MGMT: variants seen among roughly 807,000 people sequenced by gnomAD.
MGMT encodes O-6-methylguanine-DNA methyltransferase, also known as methylated-DNA--protein-cysteine methyltransferase.
Under a neutral mutation model 15.9 loss-of-function variants are expected in MGMT, and 14 were observed. That is an observed-to-expected ratio of 0.88 (90% CI 0.58 to 1.37). The LOEUF (loss-of-function observed/expected upper bound fraction) is 1.37. Ranked by LOEUF, MGMT falls within the 40% of genes most tolerant of loss-of-function variation. MGMT has a pLI of 0.00. For missense variants in MGMT, 282 were observed against 268.1 expected (o/e 1.05, Z -0.36); for synonymous variants, 130 against 118.2 (o/e 1.10, Z -0.65).
At chr10:129,480,275 C>T (rs1057237260) in intron 1 of MGMT, among the ~76,000 whole-genome samples, 12 of 152,282 alleles carry the variant, frequency 7.9e-5, no homozygotes, top group East Asian at 7.7e-4. Context: ...CATCAGGACT[C>T]GGCAAGTGGT....
At chr10:129,597,496 A>G (rs1310837972) in intron 2 of MGMT, among the ~76,000 whole-genome samples, 1 of 152,190 alleles carries the variant, frequency 6.6e-6, no homozygotes, top group Non-Finnish European at 1.5e-5. Context: ...AAAAAAAAAG[A>G]CAAGCATCAT....
intron 1 of MGMT, among the ~76,000 whole-genome samples, chr10:129,494,782 C>G (rs907455224): frequency 6.6e-6 from 1 of 152,184 alleles, no homozygotes; most frequent in Admixed American, 6.5e-5. Flanking sequence ...TCTTTAGAGT[C>G]TATTCTAATC....
At chr10:129,645,756 G>C (rs1044950767) in intron 2 of MGMT, among the ~76,000 whole-genome samples, 5 of 152,192 alleles carry the variant, frequency 3.3e-5, no homozygotes, top group African/African-American at 1.2e-4. Context: ...ATCTGTTCCA[G>C]GCCAGCGGCG....
intron 2 of MGMT, among the ~76,000 whole-genome samples, chr10:129,649,769 T>C (rs1214466321): frequency 2.0e-5 from 3 of 152,204 alleles, no homozygotes; most frequent in African/African-American, 4.8e-5. Context: ...AATGTAATAA[T>C]AGAGGTGCCA....
chr10:129,656,917 C>T lies in MGMT; in HGVS notation c.126-50978C>T, dbSNP rs553319666. The stretch of plus-strand genomic sequence containing the variant: ...ATGCTGGGAGGAGGGTTTTTCCACA[C>T]GTCTCAGACCCAACTCTCGGGCTTC... On this transcript the variant is annotated intron_variant, in intron 2 of 4. Coordinates refer to ENST00000651593, the MANE Select transcript of MGMT (RefSeq NM_002412.5). Among the ~76,000 whole-genome samples, 15 of 152,130 alleles carry T rather than the reference C, an allele frequency of 9.9e-5. No homozygotes were observed. The South Asian group carries it at 1.5e-3, about 15-fold the overall frequency.
At chr10:129,539,900 CT>C (rs1439994607) in intron 2 of MGMT, among the ~76,000 whole-genome samples, 4 of 152,184 alleles carry the variant, frequency 2.6e-5, no homozygotes, top group African/African-American at 9.7e-5. Flanking sequence ...TTAAGTTTGC[CT>C]ATTACTTTTA....
At chr10:129,726,037 A>T (rs1304188152) in intron 3 of MGMT, among the ~76,000 whole-genome samples, 1 of 152,074 alleles carries the variant, frequency 6.6e-6, no homozygotes, top group African/African-American at 2.4e-5. Context: ...TCTGTCACAC[A>T]GCCTGGCCAT....
At chr10:129,509,953 A>G (rs936927513) in intron 1 of MGMT, among the ~76,000 whole-genome samples, 2 of 152,208 alleles carry the variant, frequency 1.3e-5, no homozygotes, top group Non-Finnish European at 2.9e-5. Flanking sequence ...TCCTGGGGTC[A>G]GGGTTGGAGG....
chr10:129,595,716 T>C (rs1846743764), intron 2 of MGMT, among the ~76,000 whole-genome samples: 1 of 152,174 alleles, frequency 6.6e-6, no homozygotes, highest in Non-Finnish European at 1.5e-5. Context: ...GCTTTCCAGG[T>C]GATTTTTCAA....
intron 2 of MGMT, among the ~76,000 whole-genome samples, chr10:129,661,428 A>T (rs1589921801): frequency 6.6e-6 from 1 of 152,008 alleles, no homozygotes; most frequent in East Asian, 1.9e-4. Flanking sequence ...CATTTCTCAC[A>T]CCTCTGCAGA....
chr10:129,596,101 C>A (rs971349021), intron 2 of MGMT, among the ~76,000 whole-genome samples: 12 of 150,430 alleles, frequency 8.0e-5, no homozygotes, highest in Non-Finnish European at 1.3e-4. Context: ...CCCCGCCCTG[C>A]CCCTCCCTGC....
intron 2 of MGMT, among the ~76,000 whole-genome samples, chr10:129,655,438 C>T (rs906120370): frequency 7.9e-5 from 12 of 152,116 alleles, no homozygotes; most frequent in African/African-American, 2.7e-4. Context: ...AGGCGCTGAC[C>T]CTGACGCTTC....
chr10:129,723,031 A>T (rs1175574904), intron 3 of MGMT, among the ~76,000 whole-genome samples: 1 of 132,116 alleles, frequency 7.6e-6, no homozygotes, highest in Admixed American at 8.0e-5. Context: ...AAAAAAAAAA[A>T]GTCTTGTCAA....
intron 2 of MGMT, among the ~76,000 whole-genome samples, chr10:129,578,460 A>G (rs1222501780): frequency 6.6e-6 from 1 of 151,360 alleles, no homozygotes; most frequent in African/African-American, 2.4e-5. Flanking sequence ...GCATGTTCTC[A>G]CTCATAGGTG....
At chr10:129,588,451 A>G (rs748440531) in intron 2 of MGMT, among the ~76,000 whole-genome samples, 72 of 152,136 alleles carry the variant, frequency 4.7e-4, no homozygotes, top group African/African-American at 8.5e-4. Context: ...GCTTTTTATT[A>G]TATGTGGAAG....
chr10:129,487,696 T>C (rs190840738), intron 1 of MGMT, among the ~76,000 whole-genome samples: 2 of 152,258 alleles, frequency 1.3e-5, no homozygotes, highest in Admixed American at 1.3e-4. Context: ...TTTTATATAG[T>C]CTGGATTCTA....
intron 3 of MGMT, among the ~76,000 whole-genome samples, chr10:129,738,521 C>T (rs564026487): frequency 1.1e-4 from 17 of 152,372 alleles, no homozygotes; most frequent in African/African-American, 3.8e-4. Context: ...TCTTCTGCGT[C>T]GCTCACACTG....
chr10:129,473,525 G>T (rs1340280545), intron 1 of MGMT, among the ~76,000 whole-genome samples: 2 of 152,186 alleles, frequency 1.3e-5, no homozygotes, highest in Non-Finnish European at 2.9e-5. Flanking sequence ...TGGGATAGAG[G>T]TAGAGTTTTG....
intron 2 of MGMT, among the ~76,000 whole-genome samples, chr10:129,601,843 G>A (rs563176947): frequency 8.5e-5 from 13 of 152,180 alleles, no homozygotes; most frequent in Non-Finnish European, 1.8e-4. Context: ...TAAGGATGTG[G>A]TAGTAGAGTG....
Sources: allele counts gnomAD v4.1 joint callset (sites outside exome capture counted in the v4.1 genomes callset), GRCh38; gene constraint gnomAD v4.1.1; transcripts MANE v1.5; gene names NCBI Gene and HGNC (gene_info 2026-07-23, HGNC 2026-07-21).